Variants in ADAMTSL1 observed in about 807,000 individuals in gnomAD.
ADAMTSL1 encodes ADAMTS like 1.
A neutral mutation model predicts 201.8 loss-of-function variants in ADAMTSL1; 126 were observed. The observed-to-expected ratio is 0.62, with a 90% CI of 0.54 to 0.72. The LOEUF (loss-of-function observed/expected upper bound fraction) is 0.72, where lower values mean the gene tolerates loss of function less well. Ranked by LOEUF, ADAMTSL1 falls within the 30% of genes least tolerant of loss-of-function variation. The pLI is 0.00. For synonymous variants in ADAMTSL1, 1,121 were observed against 903.4 expected (o/e 1.24, Z -4.32); for missense variants, 2,679 against 2,277.8 (o/e 1.18, Z -3.59).
chr9:18,287,440 A>G (rs1345609955), intron 2 of ADAMTSL1, among the ~76,000 whole-genome samples: 1 of 151,744 alleles, frequency 6.6e-6, no homozygotes, highest in Non-Finnish European at 1.5e-5. Context: ...TTCTACATAT[A>G]TGTATGTGTA....
intron 23 of ADAMTSL1, among the ~76,000 whole-genome samples, chr9:18,878,385 C>G (rs1017645721): frequency 1.3e-5 from 2 of 152,250 alleles, no homozygotes; most frequent in Non-Finnish European, 2.9e-5. Context: ...TTCCCCAATT[C>G]CACTGGCAGC....
chr9:18,302,101 G>T (rs750915867), intron 2 of ADAMTSL1, among the ~76,000 whole-genome samples: 47 of 152,038 alleles, frequency 3.1e-4, no homozygotes, highest in Non-Finnish European at 6.5e-4. Context: ...TTGTCAAAAG[G>T]CCCTATATTA....
chr9:18,062,965 A>G (rs1822528035), intron 1 of ADAMTSL1, among the ~76,000 whole-genome samples: 1 of 152,188 alleles, frequency 6.6e-6, no homozygotes, highest in African/African-American at 2.4e-5. Flanking sequence ...CATTATGCCA[A>G]GAAAAATTAA....
At chr9:18,546,308 T>G (rs1820462257) in intron 3 of ADAMTSL1, among the ~76,000 whole-genome samples, 1 of 152,062 alleles carries the variant, frequency 6.6e-6, no homozygotes, top group Non-Finnish European at 1.5e-5. Flanking sequence ...GCATTATTAT[T>G]TTCATTATTA....
At chr9:18,509,430 T>A (rs185198610) in intron 2 of ADAMTSL1, among the ~76,000 whole-genome samples, 1 of 152,270 alleles carries the variant, frequency 6.6e-6, no homozygotes, top group East Asian at 1.9e-4. Flanking sequence ...GCCACAGTAA[T>A]GCTGCATAAA....
intron 2 of ADAMTSL1, among the ~76,000 whole-genome samples, chr9:18,505,893 A>G (rs1172572182): frequency 5.3e-5 from 8 of 152,212 alleles, no homozygotes; most frequent in Admixed American, 5.2e-4. Flanking sequence ...ATTTCTTGAA[A>G]TCAGCGTCTG....
intron 19 of ADAMTSL1, among the ~76,000 whole-genome samples, chr9:18,779,538 A>T (rs1270379195): frequency 6.6e-6 from 1 of 152,210 alleles, no homozygotes; most frequent in Non-Finnish European, 1.5e-5. Context: ...ACCCACATAG[A>T]AACACTGGAA....
chr9:18,898,146 G>A (rs1395427954), intron 26 of ADAMTSL1, among the ~76,000 whole-genome samples: 3 of 152,130 alleles, frequency 2.0e-5, no homozygotes, highest in African/African-American at 7.2e-5. Flanking sequence ...CTGAGATCAT[G>A]CCACTGCATT....
At chr9:18,773,336 T>A (rs574814590) in intron 17 of ADAMTSL1, among the ~76,000 whole-genome samples, 1 of 152,296 alleles carries the variant, frequency 6.6e-6, no homozygotes, top group South Asian at 2.1e-4. Context: ...CTCAATCTCC[T>A]GAAAGAGTTT....
At position 18,574,074 on chromosome 9, in the gene ADAMTSL1, A is replaced by C; in HGVS notation, c.282A>C (p.Ser94=). 1 of 1,614,100 alleles carries C rather than the reference A, an allele frequency of 6.2e-7. No individual in the cohort carries two copies. The highest frequency in any genetic ancestry group is 1.1e-5 in the South Asian group (1 of 91,074). The change falls in exon 4 of 29, where the codon TCA becomes TCC. Residue 94 remains serine, a synonymous_variant. Coordinates refer to ENST00000380548, the MANE Select transcript of ADAMTSL1 (RefSeq NM_001040272.6). ...EAGDFRAQQC[S]AHNDVKHHGQ... ...GTGATTTCCGAGCTCAGCAATGCTCAGCTCATAATGATGTCAAGCACCATG... is the reference window on the plus strand; with the variant it reads ...GTGATTTCCGAGCTCAGCAATGCTCCGCTCATAATGATGTCAAGCACCATG...
chr9:18,899,931 T>C (rs1236306386), intron 26 of ADAMTSL1, among the ~76,000 whole-genome samples: 1 of 152,026 alleles, frequency 6.6e-6, no homozygotes, highest in Non-Finnish European at 1.5e-5. Context: ...AAAGCAAAAA[T>C]TGACAAATGA....
At chr9:18,174,741 T>C (rs1370618248) in intron 2 of ADAMTSL1, among the ~76,000 whole-genome samples, 1 of 152,162 alleles carries the variant, frequency 6.6e-6, no homozygotes, top group African/African-American at 2.4e-5. Context: ...AATAATATTA[T>C]TAAGTGATGC....
At chr9:18,678,596 A>C (rs1343285736) in intron 10 of ADAMTSL1, among the ~76,000 whole-genome samples, 1 of 152,208 alleles carries the variant, frequency 6.6e-6, no homozygotes, top group African/African-American at 2.4e-5. Flanking sequence ...GTGCTGAGAC[A>C]GAAATAAATC....
intron 5 of ADAMTSL1, among the ~76,000 whole-genome samples, chr9:18,628,772 A>C (rs1826555786): frequency 6.6e-6 from 1 of 152,198 alleles, no homozygotes; most frequent in Admixed American, 6.5e-5. Context: ...AGCCTTTATT[A>C]GCTTTCAGCA....
chr9:18,506,363 G>C (rs985842453), intron 2 of ADAMTSL1, among the ~76,000 whole-genome samples: 1 of 152,122 alleles, frequency 6.6e-6, no homozygotes, highest in Admixed American at 6.5e-5. Flanking sequence ...CTGTTATTTA[G>C]TTTTCTCAAA....
intron 13 of ADAMTSL1, 134 bp from the exon 14 acceptor site, chr9:18,706,613 A>G (rs1832246846): frequency 1.2e-5 from 10 of 832,782 alleles, no homozygotes. Context: ...ATCACAGGAC[A>G]GGGTGGAGGA....
chr9:18,027,717 A>C (rs1471040840), intron 1 of ADAMTSL1, among the ~76,000 whole-genome samples: 1 of 152,038 alleles, frequency 6.6e-6, no homozygotes, highest in Non-Finnish European at 1.5e-5. Flanking sequence ...TATTATGTAC[A>C]TGTCTAGTAG....
At chr9:18,697,979 T>C (rs1209223498) in intron 13 of ADAMTSL1, among the ~76,000 whole-genome samples, 1 of 152,240 alleles carries the variant, frequency 6.6e-6, no homozygotes, top group African/African-American at 2.4e-5. Context: ...TAACTTATGC[T>C]TCAGTTTCCT....
rs567430102 is a variant in ADAMTSL1 at position 18,291,864 on chromosome 9, G to A, written c.207+127883G>A. 3.3e-5 allele frequency among the ~76,000 whole-genome samples: 5 copies of A among 152,048 alleles called. No individual in the cohort carries two copies. In the South Asian group the frequency reaches 6.2e-4, roughly 19 times the overall value. ...CTAGACACTAAGAATGCCGTTGCCT[G>A]TCTGGTGAGAGTCTGGCCCTTCACA... is the stretch of plus-strand genomic sequence containing the variant. On this transcript the variant is annotated intron_variant, in intron 2 of 29. Coordinates refer to the ADAMTSL1 transcript ENST00000680146.
Sources: gnomAD v4.1 joint callset for allele counts (sites outside exome capture counted in the v4.1 genomes callset) on GRCh38, gnomAD v4.1.1 for gene constraint, MANE v1.5 for transcripts, NCBI Gene and HGNC (gene_info 2026-07-23, HGNC 2026-07-21) for gene names.